TRDN: variants seen among roughly 807,000 people sequenced by gnomAD.
The protein encoded by TRDN is triadin.
TRDN carries 161 observed loss-of-function variants against 149.7 expected under a neutral mutation model. That is an observed-to-expected ratio of 1.08 (90% CI 0.95 to 1.23). The LOEUF is 1.23. Ranked by LOEUF, TRDN falls within the 50% of genes most tolerant of loss-of-function variation. The pLI, the probability that TRDN is intolerant of heterozygous loss-of-function variation, is 0.00. For synonymous variants in TRDN, 294 were observed against 250.5 expected (o/e 1.17, Z -1.64); for missense variants, 896 against 823.5 (o/e 1.09, Z -1.08).
chr6:123,396,715 A>G (rs896628475), intron 12 of TRDN, among the ~76,000 whole-genome samples: 1 of 152,230 alleles, frequency 6.6e-6, no homozygotes, highest in Non-Finnish European at 1.5e-5. Context: ...TTCCACAGAT[A>G]TGGAACAACC....
Position 123,468,748 on chromosome 6 carries a change from C to T in TRDN, c.854-3765G>A, listed in dbSNP as rs570233648. 7 of 152,208 alleles carry T rather than the reference C, an allele frequency of 4.6e-5. No homozygotes were observed. The East Asian group carries it at 1.4e-3, about 29-fold the overall frequency. The allele number at this position is 152,208 out of a possible 1,614,324, so 9.4% of individuals were successfully genotyped here. ...ATTTCTGAACAACTGAAGCCTACTC[C>T]CTCTGTCTTGTAACAAATGTTAAGG... On this transcript the variant is annotated intron_variant, in intron 9 of 40. Transcript: ENST00000334268.
intron 38 of TRDN, among the ~76,000 whole-genome samples, chr6:123,251,913 AGATATACAATTAT>A (rs1473209278): frequency 6.6e-6 from 1 of 151,976 alleles, no homozygotes; most frequent in African/African-American, 2.4e-5. Flanking sequence ...TAGGTTTCTT[AGATATACAATTAT>A]ATTACAATTT....
chr6:123,534,610 C>T (rs1780428194), intron 4 of TRDN, among the ~76,000 whole-genome samples: 1 of 152,134 alleles, frequency 6.6e-6, no homozygotes, highest in African/African-American at 2.4e-5. Flanking sequence ...CCTTTGATTG[C>T]TCTTTCCAGC....
At chr6:123,614,309 AAAAAAC>A (rs1784973291) in intron 1 of TRDN, among the ~76,000 whole-genome samples, 4 of 146,562 alleles carry the variant, frequency 2.7e-5, no homozygotes, top group African/African-American at 1.1e-4. Flanking sequence ...ACAAAAAAAA[AAAAAAC>A]AAAAAAAACC....
At chr6:123,634,016 T>C (rs1786155260) in intron 1 of TRDN, among the ~76,000 whole-genome samples, 1 of 152,060 alleles carries the variant, frequency 6.6e-6, no homozygotes, top group Non-Finnish European at 1.5e-5. Flanking sequence ...TTATCTCTTA[T>C]ATTCTTAAGT....
rs1010902078 is a variant in TRDN at position 123,623,318 on chromosome 6, C to T, written c.22+13436G>A. Among the ~76,000 whole-genome samples, 4 of 152,048 alleles carry T rather than the reference C, an allele frequency of 2.6e-5. 1 individual carries two copies. The highest frequency in any genetic ancestry group is 2.6e-4 in the Admixed American group (4 of 15,238). ...TCTTATATATAAAATTGAAAGATAA[C>T]TAAGCTTAGAGTTTCTCATAGTTGA... On this transcript the variant is annotated intron_variant, in intron 1 of 40. Transcript: ENST00000334268.
At chr6:123,348,266 A>G (rs555364625) in intron 21 of TRDN, among the ~76,000 whole-genome samples, 2 of 152,264 alleles carry the variant, frequency 1.3e-5, no homozygotes, top group African/African-American at 4.8e-5. Flanking sequence ...ACTAAGATGC[A>G]GGTAAATGTT....
chr6:123,523,369 G>C (rs1376060930), intron 5 of TRDN, among the ~76,000 whole-genome samples: 2 of 152,138 alleles, frequency 1.3e-5, no homozygotes, highest in Non-Finnish European at 2.9e-5. Flanking sequence ...CAGGGAGGAG[G>C]AGGCTGTATC....
chr6:123,241,310 G>T (rs1282804743), intron 38 of TRDN, among the ~76,000 whole-genome samples: 4 of 151,022 alleles, frequency 2.6e-5, no homozygotes, highest in African/African-American at 7.3e-5. Context: ...GTCATTAAAA[G>T]AATCTTTACT....
intron 23 of TRDN, among the ~76,000 whole-genome samples, chr6:123,320,474 A>G (rs1395947367): frequency 2.0e-5 from 3 of 152,024 alleles, no homozygotes; most frequent in African/African-American, 7.2e-5. Flanking sequence ...TGGACAAATT[A>G]CATAATCCTT....
intron 38 of TRDN, among the ~76,000 whole-genome samples, chr6:123,246,659 C>A (rs1776192849): frequency 6.6e-6 from 1 of 151,638 alleles, no homozygotes. Context: ...ACCAGAGGTA[C>A]AAAGAGGAGT....
At chr6:123,403,528 G>C (rs1189224325) in intron 12 of TRDN, among the ~76,000 whole-genome samples, 1 of 152,128 alleles carries the variant, frequency 6.6e-6, no homozygotes, top group Non-Finnish European at 1.5e-5. Context: ...GAAAAGTCTG[G>C]GAAATGGGAA....
intron 38 of TRDN, among the ~76,000 whole-genome samples, chr6:123,225,010 A>C (rs915515137): frequency 6.6e-6 from 1 of 151,816 alleles, no homozygotes. Context: ...TATCCAAAGG[A>C]GGTTGATACC....
intron 12 of TRDN, among the ~76,000 whole-genome samples, chr6:123,396,935 C>T (rs1017488641): frequency 6.6e-6 from 1 of 151,924 alleles, no homozygotes; most frequent in African/African-American, 2.4e-5. Flanking sequence ...TGGACTGCTA[C>T]ACTGTCAGCA....
chr6:123,255,827 AG>A, intron 36 of TRDN, 39 bp downstream of exon 36: 1 of 1,275,134 alleles, frequency 7.8e-7, no homozygotes, highest in South Asian at 1.8e-5. Context: ...TTTTAGCTTC[AG>A]GGCTTTGCAT....
Position 123,338,472 on chromosome 6 carries a change from A to T in TRDN, c.1370-803T>A, listed in dbSNP as rs1227197651. ...TGGGAAATGCAGCTGCCATGTGAGT[A>T]ATCTAATTAACACCACCATGCTGGA... is the stretch of plus-strand genomic sequence containing the variant. On this transcript the variant is annotated intron_variant, in intron 21 of 40. Coordinates refer to ENST00000334268, the MANE Select transcript of TRDN (RefSeq NM_006073.4). Among the ~76,000 whole-genome samples, 6 of 152,168 alleles carry T rather than the reference A, an allele frequency of 3.9e-5. No individual in the cohort carries two copies. The East Asian group carries it at 1.2e-3, about 29-fold the overall frequency.
intron 39 of TRDN, among the ~76,000 whole-genome samples, chr6:123,223,547 G>A (rs1775231472): frequency 6.6e-6 from 1 of 151,752 alleles, no homozygotes; most frequent in South Asian, 2.1e-4. Flanking sequence ...TCATTCTACA[G>A]ATGGAGAAAT....
intron 1 of TRDN, among the ~76,000 whole-genome samples, chr6:123,594,633 T>TATA (rs59416370): frequency 0.91 from 138,524 of 151,826 alleles, 63,216 homozygotes; most frequent in Admixed American, 0.95. Flanking sequence ...AAATTCTGGT[T>TATA]ATGTTTGTTA....
rs932692455 is a variant in TRDN, at chr6:123,355,886, T to A, written c.1322-3300A>T. Among the ~76,000 whole-genome samples the A allele has an allele frequency of 2.0e-5, 3 of 151,782 alleles. No individual in the cohort carries two copies. The South Asian group carries it at 6.2e-4, about 31-fold the overall frequency. ...AGATATTTTATGGATTTGATGCTAT[T>A]ATATTAGAACAGCATTGTAGTCATC... On this transcript the variant is annotated intron_variant, in intron 20 of 40. Transcript: ENST00000334268.
Sources: gnomAD v4.1 joint callset for allele counts (sites outside exome capture counted in the v4.1 genomes callset) on GRCh38, gnomAD v4.1.1 for gene constraint, MANE v1.5 for transcripts, NCBI Gene and HGNC (gene_info 2026-07-23, HGNC 2026-07-21) for gene names.